The following PDE7B variants were observed in gnomAD, a reference collection of about 807,000 sequenced individuals.
PDE7B encodes the protein phosphodiesterase 7B.
In PDE7B, 29 loss-of-function variants were observed where a neutral mutation model predicts 56.2. That is an observed-to-expected ratio of 0.52 (90% confidence interval 0.38 to 0.70). PDE7B has a LOEUF of 0.70. PDE7B is among the 30% of genes least tolerant of loss of function. The probability of loss-of-function intolerance (pLI) is 0.00; values close to 1 mark genes in which losing one functional copy is unlikely to be tolerated. For synonymous variants in PDE7B, 197 were observed against 196.9 expected (o/e 1.00, Z 0.00); for missense variants, 490 against 565.0 (o/e 0.87, Z 1.35).
chr6:136,139,859 T>G (rs1388867890), intron 3 of PDE7B, among the ~76,000 whole-genome samples: 1 of 152,210 alleles, frequency 6.6e-6, no homozygotes, highest in Non-Finnish European at 1.5e-5. Context: ...CATTGTAGAT[T>G]CTGGATATTA....
chr6:136,037,287 A>C (rs143435010), intron 2 of PDE7B: 1 of 348,568 alleles, frequency 2.9e-6, no homozygotes, highest in African/African-American at 2.2e-5. Context: ...CATACGCATG[A>C]GGATCTTGAT....
intron 3 of PDE7B, among the ~76,000 whole-genome samples, chr6:136,145,159 C>T (rs1583906606): frequency 6.6e-6 from 1 of 152,102 alleles, no homozygotes; most frequent in Non-Finnish European, 1.5e-5. Context: ...TTGGCACATT[C>T]TACAAGGAAG....
chr6:135,949,170 T>G (rs1305664726), intron 2 of PDE7B, among the ~76,000 whole-genome samples: 2 of 152,208 alleles, frequency 1.3e-5, no homozygotes, highest in Non-Finnish European at 2.9e-5. Flanking sequence ...TATTTGATTG[T>G]AGCTTTCACC....
intron 2 of PDE7B, among the ~76,000 whole-genome samples, chr6:135,978,261 A>G (rs1489892321): frequency 6.6e-6 from 1 of 152,176 alleles, no homozygotes; most frequent in Non-Finnish European, 1.5e-5. Flanking sequence ...GTATCTAAAC[A>G]TAGAAAAGGT....
At chr6:136,042,937 C>T (rs1776437721) in intron 2 of PDE7B, among the ~76,000 whole-genome samples, 1 of 152,202 alleles carries the variant, frequency 6.6e-6, no homozygotes, top group Non-Finnish European at 1.5e-5. Context: ...TCTACAACTA[C>T]AGTGTGAAAA....
intron 2 of PDE7B, among the ~76,000 whole-genome samples, chr6:135,979,408 G>A (rs1048931534): frequency 1.8e-4 from 27 of 151,714 alleles, no homozygotes; most frequent in African/African-American, 6.3e-4. Context: ...AGTTAGGGAG[G>A]ATTCCCTCTT....
chr6:135,862,664 T>C (rs2128184862), intron 1 of PDE7B, among the ~76,000 whole-genome samples: 1 of 151,950 alleles, frequency 6.6e-6, no homozygotes, highest in East Asian at 1.9e-4. Flanking sequence ...TGTGGACAAG[T>C]TTTTAGTTAC....
intron 2 of PDE7B, among the ~76,000 whole-genome samples, chr6:135,952,019 G>C (rs992525777): frequency 1.3e-5 from 2 of 152,104 alleles, no homozygotes; most frequent in African/African-American, 4.8e-5. Flanking sequence ...AATTAACTGT[G>C]TACTCACAGA....
At chr6:135,886,833 T>C (rs767088649) in intron 1 of PDE7B, among the ~76,000 whole-genome samples, 5 of 152,196 alleles carry the variant, frequency 3.3e-5, no homozygotes, top group Non-Finnish European at 7.4e-5. Context: ...AACATGCTCG[T>C]GCATGTGTCT....
chr6:136,185,708 T>C (rs1336247907), intron 11 of PDE7B, among the ~76,000 whole-genome samples: 3 of 152,088 alleles, frequency 2.0e-5, no homozygotes, highest in Non-Finnish European at 4.4e-5. Context: ...AAGGGTGCAG[T>C]GAGCTATGAT....
rs573321299 is a variant in PDE7B at position 135,968,979 on chromosome 6, C to A, written c.82+21455C>A. ...CCATAAAACGGAATGAGATCATGTC[C>A]TTTGCAGGGACATGGATGGAGCTGG... is the stretch of plus-strand genomic sequence containing the variant. On this transcript the variant is annotated intron_variant, in intron 2 of 12. Transcript: ENST00000308191. 1.2e-4 allele frequency among the ~76,000 whole-genome samples: 18 copies of A among 152,280 alleles called. 1 individual carries two copies. In the South Asian group the frequency reaches 3.3e-3, roughly 28 times the overall value.
chr6:135,998,443 C>G (rs1775604172), intron 2 of PDE7B, among the ~76,000 whole-genome samples: 1 of 152,086 alleles, frequency 6.6e-6, no homozygotes, highest in Non-Finnish European at 1.5e-5. Flanking sequence ...TTCAACCTTG[C>G]CTTAAAATTG....
chr6:136,170,997 G>A (rs1778870022), intron 8 of PDE7B, among the ~76,000 whole-genome samples: 1 of 152,126 alleles, frequency 6.6e-6, no homozygotes, highest in African/African-American at 2.4e-5. Flanking sequence ...TATATGTTTT[G>A]TAAGATTATA....
chr6:135,972,593 A>G (rs1015288180), intron 2 of PDE7B, among the ~76,000 whole-genome samples: 1 of 152,150 alleles, frequency 6.6e-6, no homozygotes, highest in African/African-American at 2.4e-5. Context: ...GGTTCTCAGA[A>G]TTGTTCAGAT....
intron 3 of PDE7B, among the ~76,000 whole-genome samples, chr6:136,129,325 G>T (rs1290422158): frequency 1.3e-5 from 2 of 152,148 alleles, no homozygotes; most frequent in Non-Finnish European, 2.9e-5. Context: ...TCTATGTGGA[G>T]ATGAGACATA....
chr6:135,980,050 G>T (rs993444204), intron 2 of PDE7B, among the ~76,000 whole-genome samples: 3 of 152,056 alleles, frequency 2.0e-5, no homozygotes, highest in Middle Eastern at 3.2e-3. Flanking sequence ...ATACTACAAG[G>T]CTACAGTAAC....
chr6:135,981,717 C>T (rs6925551), intron 2 of PDE7B, among the ~76,000 whole-genome samples: 148,434 of 151,124 alleles, frequency 0.98, 72,916 homozygotes, highest in East Asian at 1. Context: ...CAATGCCTTC[C>T]TCTGGATACC....
At chr6:136,135,984 A>G (rs1019799921) in intron 3 of PDE7B, among the ~76,000 whole-genome samples, 1 of 152,100 alleles carries the variant, frequency 6.6e-6, no homozygotes, top group Non-Finnish European at 1.5e-5. Flanking sequence ...AAAGTAGTCT[A>G]TATAAAAATT....
intron 2 of PDE7B, among the ~76,000 whole-genome samples, chr6:136,031,722 G>GTGC (rs1776250087): frequency 1.5e-5 from 2 of 129,568 alleles, no homozygotes; most frequent in Non-Finnish European, 3.2e-5. Flanking sequence ...CTGGGCGACA[G>GTGC]AGCGAGACTC....
Sources: allele counts gnomAD v4.1 joint callset (sites outside exome capture counted in the v4.1 genomes callset), GRCh38; gene constraint gnomAD v4.1.1; transcripts MANE v1.5; gene names NCBI Gene and HGNC (gene_info 2026-07-23, HGNC 2026-07-21).